The following GRID2 variants were observed in gnomAD, a reference collection of about 807,000 sequenced individuals.
GRID2 encodes glutamate receptor ionotropic, delta-2.
A neutral mutation model predicts 114.8 loss-of-function variants in GRID2; 33 were observed. The observed-to-expected ratio is 0.29, with a 90% CI of 0.22 to 0.38. The LOEUF is 0.38. GRID2 is among the 10% of genes least tolerant of loss of function. The pLI is 1.00. For synonymous variants in GRID2, 505 were observed against 449.9 expected (o/e 1.12, Z -1.55); for missense variants, 1,184 against 1,257.7 (o/e 0.94, Z 0.89).
At chr4:92,846,210 TG>T (rs1440017937) in intron 2 of GRID2, among the ~76,000 whole-genome samples, 3 of 152,128 alleles carry the variant, frequency 2.0e-5, no homozygotes, top group Admixed American at 2.0e-4. Flanking sequence ...TATGCAGGTT[TG>T]TTACATGGTA....
At chr4:93,282,295 C>T (rs1752729481) in intron 8 of GRID2, 2 of 324,378 alleles carry the variant, frequency 6.2e-6, no homozygotes, top group Non-Finnish European at 1.2e-5. Flanking sequence ...TTAAAAGTAC[C>T]TGCCTTAGTC....
chr4:93,128,047 A>ACC (rs1560908497), intron 4 of GRID2, among the ~76,000 whole-genome samples: 1 of 145,010 alleles, frequency 6.9e-6, no homozygotes, highest in African/African-American at 2.6e-5. Context: ...AAAAAAAAAA[A>ACC]AAAAAAAAAA....
At chr4:92,688,037 C>CTTTTTTTTTTTTTTTTTTTTTT (rs760605020) in intron 2 of GRID2, among the ~76,000 whole-genome samples, 9 of 44,668 alleles carry the variant, frequency 2.0e-4, no homozygotes, top group Admixed American at 6.2e-4. Flanking sequence ...CCTTCTTCTT[C>CTTTTTTTTTTTTTTTTTTTTTT]TTTTTTTTTT....
chr4:92,945,008 G>T (rs1216752360), intron 2 of GRID2, among the ~76,000 whole-genome samples: 1 of 152,052 alleles, frequency 6.6e-6, no homozygotes, highest in Admixed American at 6.6e-5. Flanking sequence ...AATTGCTTTT[G>T]TGTATATTGA....
intron 2 of GRID2, among the ~76,000 whole-genome samples, chr4:92,713,464 CATATACATATACATATATAT>C (rs1451781403): frequency 1.4e-5 from 1 of 73,226 alleles, no homozygotes; most frequent in African/African-American, 5.4e-5. Flanking sequence ...CATATATTTA[CATATACATATACATATATAT>C]ATATATATAT....
intron 2 of GRID2, among the ~76,000 whole-genome samples, chr4:92,796,642 G>T (rs1739889711): frequency 6.6e-6 from 1 of 151,876 alleles, no homozygotes; most frequent in African/African-American, 2.4e-5. Context: ...TTAAAAATAT[G>T]TTCAGGCAGA....
chr4:92,449,703 ATATATAT>A (rs1163064073), intron 1 of GRID2, among the ~76,000 whole-genome samples: 10 of 140,888 alleles, frequency 7.1e-5, no homozygotes, highest in African/African-American at 1.8e-4. Context: ...ATATATATAT[ATATATAT>A]AACACTTAAG....
chr4:93,098,560 T>C (rs1386999357), intron 3 of GRID2, among the ~76,000 whole-genome samples: 1 of 152,044 alleles, frequency 6.6e-6, no homozygotes, highest in Non-Finnish European at 1.5e-5. Flanking sequence ...TTAATGGAAT[T>C]ATTCTCTTTT....
At chr4:93,169,603 T>G (rs1448574498) in intron 4 of GRID2, among the ~76,000 whole-genome samples, 1 of 152,208 alleles carries the variant, frequency 6.6e-6, no homozygotes, top group East Asian at 1.9e-4. Flanking sequence ...AAAGCATCCT[T>G]TATATCACAG....
chr4:93,622,094 T>C (rs116418906), intron 13 of GRID2, among the ~76,000 whole-genome samples: 3,800 of 152,096 alleles, frequency 0.025, 172 homozygotes, highest in African/African-American at 0.087. Flanking sequence ...AAAATCAAAG[T>C]AGGTTGTTAG....
chr4:93,751,817 C>CG (rs1375805594), intron 14 of GRID2, among the ~76,000 whole-genome samples: 4 of 152,168 alleles, frequency 2.6e-5, no homozygotes, highest in Admixed American at 6.5e-5. Flanking sequence ...GCCTGTAACC[C>CG]GGCTTGCCCT....
At chr4:93,578,829 G>A (rs948896355) in intron 13 of GRID2, among the ~76,000 whole-genome samples, 11 of 152,072 alleles carry the variant, frequency 7.2e-5, no homozygotes, top group Non-Finnish European at 1.0e-4. Context: ...TCCTGACCTC[G>A]TGATCTGCCC....
At position 92,922,372 on chromosome 4, in the gene GRID2, A is replaced by T. The variant is rs555850078; in HGVS notation, c.245-162623A>T. Among the ~76,000 whole-genome samples the T allele has an allele frequency of 4.6e-5, 7 of 152,156 alleles. No homozygotes were observed. The South Asian group carries it at 6.2e-4, about 14-fold the overall frequency. ...TCTGTCCTGCACCCACTGTCCGACAATCCCCAGTGAGATGAACCCAGTACC... is the reference window on the plus strand; with the variant it reads ...TCTGTCCTGCACCCACTGTCCGACATTCCCCAGTGAGATGAACCCAGTACC... On this transcript the variant is annotated intron_variant, in intron 2 of 15. Coordinates refer to ENST00000282020, the MANE Select transcript of GRID2 (RefSeq NM_001510.4).
intron 3 of GRID2, among the ~76,000 whole-genome samples, chr4:93,096,960 A>G (rs1731278170): frequency 6.6e-6 from 1 of 152,044 alleles, no homozygotes; most frequent in South Asian, 2.1e-4. Context: ...GTAGAATACT[A>G]TTGAGCAAAA....
At chr4:93,477,389 C>T (rs1466857345) in intron 11 of GRID2, among the ~76,000 whole-genome samples, 1 of 152,044 alleles carries the variant, frequency 6.6e-6, no homozygotes, top group Non-Finnish European at 1.5e-5. Flanking sequence ...ACCCGTTCTG[C>T]TTTGTGCTAA....
intron 2 of GRID2, among the ~76,000 whole-genome samples, chr4:92,691,906 CATTT>C (rs1476675157): frequency 6.6e-6 from 1 of 152,132 alleles, no homozygotes; most frequent in African/African-American, 2.4e-5. Context: ...TCAACAAACA[CATTT>C]ATTATATAGA....
intron 13 of GRID2, among the ~76,000 whole-genome samples, chr4:93,543,637 G>A (rs1368818759): frequency 1.3e-5 from 2 of 151,638 alleles, no homozygotes; most frequent in Admixed American, 6.6e-5. Context: ...AATATCAAAC[G>A]GCCTGGGAGT....
chr4:93,093,660 T>C (rs1730964361), intron 3 of GRID2, among the ~76,000 whole-genome samples: 1 of 151,922 alleles, frequency 6.6e-6, no homozygotes, highest in Non-Finnish European at 1.5e-5. Context: ...CACCAAATAG[T>C]TGAATCTGAG....
intron 1 of GRID2, among the ~76,000 whole-genome samples, chr4:92,338,035 A>G (rs1308883680): frequency 6.6e-6 from 1 of 152,150 alleles, no homozygotes; most frequent in South Asian, 2.1e-4. Context: ...AAGAAGCACC[A>G]ACAGTATCTG....
Sources: allele counts gnomAD v4.1 joint callset (sites outside exome capture counted in the v4.1 genomes callset), GRCh38; gene constraint gnomAD v4.1.1; transcripts MANE v1.5; gene names NCBI Gene and HGNC (gene_info 2026-07-23, HGNC 2026-07-21).